ATF7IP: variants seen among roughly 807,000 people sequenced by gnomAD.
ATF7IP encodes the protein activating transcription factor 7 interacting protein.
Under a neutral mutation model 106.4 loss-of-function variants are expected in ATF7IP, and 23 were observed. That is an observed-to-expected ratio of 0.22 (90% CI 0.16 to 0.31). The LOEUF is 0.31. Ranked by LOEUF, ATF7IP falls within the 10% of genes least tolerant of loss-of-function variation. The pLI is 1.00. For missense variants in ATF7IP, 1,334 were observed against 1,524.3 expected, an observed-to-expected ratio of 0.88 and a Z score of 2.08; for synonymous variants, 542 against 539.0, an observed-to-expected ratio of 1.01 and a Z score of -0.08.
At chr12:14,490,010 G>T (rs747032358) in intron 13 of ATF7IP, among the ~76,000 whole-genome samples, 1 of 152,186 alleles carries the variant, frequency 6.6e-6, no homozygotes, top group African/African-American at 2.4e-5. Context: ...TGATCACCCC[G>T]AGGAATGGCA....
intron 8 of ATF7IP, among the ~76,000 whole-genome samples, chr12:14,458,413 T>G (rs1290799560): frequency 6.6e-6 from 1 of 152,208 alleles, no homozygotes; most frequent in East Asian, 1.9e-4. Context: ...GGGCTAGCCC[T>G]TACAGATAAT....
chr12:14,479,301 G>A (rs1944357374), intron 12 of ATF7IP, among the ~76,000 whole-genome samples: 1 of 152,132 alleles, frequency 6.6e-6, no homozygotes, highest in African/African-American at 2.4e-5. Flanking sequence ...GCTTTAACTA[G>A]TCTAACACTA....
At chr12:14,406,760 C>G (rs1301228266) in intron 1 of ATF7IP, among the ~76,000 whole-genome samples, 2 of 150,080 alleles carry the variant, frequency 1.3e-5, no homozygotes, top group Non-Finnish European at 3.0e-5. Flanking sequence ...GCCTGGCTGA[C>G]TTTTTGTATT....
chr12:14,460,266 T>A (rs1485477242), intron 8 of ATF7IP, among the ~76,000 whole-genome samples: 2 of 152,180 alleles, frequency 1.3e-5, no homozygotes, highest in Non-Finnish European at 2.9e-5. Context: ...ATATTAATCA[T>A]CGATCATGTG....
At chr12:14,404,038 G>C (rs1251555436) in intron 1 of ATF7IP, among the ~76,000 whole-genome samples, 1 of 151,776 alleles carries the variant, frequency 6.6e-6, no homozygotes, top group Non-Finnish European at 1.5e-5. Context: ...TTTAAATGCA[G>C]AGTCAGTTTT....
At chr12:14,377,592 T>G (rs1263809051) in intron 1 of ATF7IP, among the ~76,000 whole-genome samples, 1 of 151,500 alleles carries the variant, frequency 6.6e-6, no homozygotes, top group African/African-American at 2.4e-5. Flanking sequence ...CCTGACCTCG[T>G]GAGCCACCGC....
At chr12:14,378,088 ATTTTTC>A (rs1181321262) in intron 1 of ATF7IP, among the ~76,000 whole-genome samples, 1 of 138,908 alleles carries the variant, frequency 7.2e-6, no homozygotes, top group African/African-American at 2.9e-5. Context: ...TATATTCAGT[ATTTTTC>A]TTTTTCTTTT....
At chr12:14,378,113 T>TC (rs1288402216) in intron 1 of ATF7IP, among the ~76,000 whole-genome samples, 1 of 151,524 alleles carries the variant, frequency 6.6e-6, no homozygotes, top group Non-Finnish European at 1.5e-5. Context: ...TTTTTTTTTT[T>TC]TTGAAATGGA....
At chr12:14,444,907 A>G (rs1942874063) in intron 5 of ATF7IP, among the ~76,000 whole-genome samples, 2 of 151,936 alleles carry the variant, frequency 1.3e-5, no homozygotes, top group African/African-American at 2.4e-5. Flanking sequence ...CATGTGACAT[A>G]TACAAGATGA....
chr12:14,482,422 G>T (rs925147884), intron 13 of ATF7IP: 1 of 152,760 alleles, frequency 6.5e-6, no homozygotes, highest in South Asian at 2.1e-4. Context: ...TTGGAGTCCA[G>T]TGTCGAAGGG....
At chr12:14,488,972 C>T (rs1944719820) in intron 13 of ATF7IP, among the ~76,000 whole-genome samples, 1 of 152,218 alleles carries the variant, frequency 6.6e-6, no homozygotes. Flanking sequence ...GTCCCCATTT[C>T]TGCAACTGGT....
intron 5 of ATF7IP, among the ~76,000 whole-genome samples, chr12:14,443,272 T>C (rs1302093270): frequency 6.6e-6 from 1 of 152,168 alleles, no homozygotes; most frequent in African/African-American, 2.4e-5. Flanking sequence ...TGACAAATCA[T>C]TGAGGAACAG....
chr12:14,426,222 C>T (rs2136562153), intron 2 of ATF7IP, among the ~76,000 whole-genome samples: 1 of 152,118 alleles, frequency 6.6e-6, no homozygotes, highest in African/African-American at 2.4e-5. Flanking sequence ...ATTTATTATT[C>T]CTAGAGAAAA....
chr12:14,424,600 A>G lies in ATF7IP; in HGVS notation c.685A>G (p.Ile229Val), dbSNP rs756875944. The change falls in exon 2 of 15, where the codon ATA (isoleucine) becomes GTA (valine). Residue 229 changes from isoleucine (I) to valine (V), a missense_variant. Physicochemically the swap from Ile to Val is conservative, Grantham distance 29. Coordinates refer to ENST00000261168, the MANE Select transcript of ATF7IP (RefSeq NM_018179.5). Reference sequence around the variant, plus strand: ...TTCTGGTGATTGTGCCGCTGATGATATAGCCTCTAGTGAAATAACTTCTGT... The same window carrying G: ...TTCTGGTGATTGTGCCGCTGATGATGTAGCCTCTAGTGAAATAACTTCTGT... The part of the protein sequence containing the change: ...PISGDCAADD[I>V]ASSEITSVDL... 3.7e-6 allele frequency: 6 copies of G among 1,614,122 alleles called. No individual in the cohort carries two copies. In the South Asian group the frequency reaches 6.6e-5, roughly 18 times the overall value.
intron 1 of ATF7IP, among the ~76,000 whole-genome samples, chr12:14,411,497 T>C (rs771183446): frequency 1.3e-5 from 2 of 151,858 alleles, no homozygotes; most frequent in Non-Finnish European, 2.9e-5. Flanking sequence ...GTAACAAAAC[T>C]GCACATTCTG....
At position 14,366,983 on chromosome 12, in the gene ATF7IP, A is replaced by T. The variant is rs1035720366; in HGVS notation, c.-8+1156A>T. Among the ~76,000 whole-genome samples, 3 of 152,310 alleles carry T rather than the reference A, an allele frequency of 2.0e-5. No individual in the cohort carries two copies. In the East Asian group the frequency reaches 5.8e-4, roughly 29 times the overall value. On this transcript the variant is annotated intron_variant, in intron 1 of 14. Coordinates refer to ENST00000261168, the MANE Select transcript of ATF7IP (RefSeq NM_018179.5). ...TTATAAATATGCTACTGATTAGTTT[A>T]AAATGGTAGTGTCAACTATAGTTAA... is the stretch of plus-strand genomic sequence containing the variant.
intron 1 of ATF7IP, among the ~76,000 whole-genome samples, chr12:14,379,482 G>C (rs1025912548): frequency 8.6e-5 from 13 of 151,922 alleles, no homozygotes; most frequent in Non-Finnish European, 1.8e-4. Context: ...CTGTCTTCTA[G>C]GACCCTTGTT....
intron 1 of ATF7IP, among the ~76,000 whole-genome samples, chr12:14,367,871 T>C: frequency 6.6e-6 from 1 of 152,096 alleles, no homozygotes. Flanking sequence ...ACAAGTATAT[T>C]TTAAAATTTT....
At chr12:14,415,404 G>A (rs1758108111) in intron 1 of ATF7IP, among the ~76,000 whole-genome samples, 2 of 152,176 alleles carry the variant, frequency 1.3e-5, no homozygotes, top group South Asian at 4.1e-4. Flanking sequence ...TTAGATTGTA[G>A]TGACAGTTCT....
Sources: gnomAD v4.1 joint callset for allele counts (sites outside exome capture counted in the v4.1 genomes callset) on GRCh38, gnomAD v4.1.1 for gene constraint, MANE v1.5 for transcripts, NCBI Gene and HGNC (gene_info 2026-07-23, HGNC 2026-07-21) for gene names.